The following SYNE3 variants were observed in gnomAD, a reference collection of about 807,000 sequenced individuals.
SYNE3 encodes the protein spectrin repeat containing nuclear envelope family member 3.
A neutral mutation model predicts 111.2 loss-of-function variants in SYNE3; 100 were observed. That is an observed-to-expected ratio of 0.90 (90% CI 0.77 to 1.06). The LOEUF (loss-of-function observed/expected upper bound fraction) is 1.06, where lower values mean the gene tolerates loss of function less well. SYNE3 is among the 50% of genes least tolerant of loss of function. The pLI, the probability that SYNE3 is intolerant of heterozygous loss-of-function variation, is 0.00. For missense variants in SYNE3, 1,160 were observed against 1,240.3 expected, an observed-to-expected ratio of 0.94 and a Z score of 0.97; for synonymous variants, 547 against 533.9, an observed-to-expected ratio of 1.02 and a Z score of -0.34.
intron 17 of SYNE3, among the ~76,000 whole-genome samples, chr14:95,429,711 T>C (rs1885638167): frequency 6.6e-6 from 1 of 152,190 alleles, no homozygotes; most frequent in African/African-American, 2.4e-5. Context: ...CATTTAGGGC[T>C]TTCCGTCTTT....
intron 1 of SYNE3, among the ~76,000 whole-genome samples, chr14:95,498,422 T>C (rs1890189727): frequency 6.6e-6 from 1 of 152,218 alleles, no homozygotes; most frequent in Non-Finnish European, 1.5e-5. Flanking sequence ...TTTCACCATG[T>C]TGGCCAGGCT....
At position 95,475,712 on chromosome 14, in the gene SYNE3, CG is replaced by C; in HGVS notation, c.109del (p.Arg37AlafsTer23). ...LQVNDNTQGP[R>X]AALEARLWET... ...CCACAGCCTGGCCTCCAGGGCCGCGCGGGGTCCCTGCGTGTTGTCATTGACC... is the reference window on the plus strand; with the variant it reads ...CCACAGCCTGGCCTCCAGGGCCGCGCGGGTCCCTGCGTGTTGTCATTGACC... On this transcript the variant is annotated frameshift_variant, in exon 2 of 18. Coordinates refer to ENST00000682763, the MANE Select transcript of SYNE3 (RefSeq NM_152592.6). LOFTEE classifies it high-confidence loss of function. 1 of 1,599,128 alleles carries C rather than the reference CG, an allele frequency of 6.3e-7. No individual in the cohort carries two copies.
intron 8 of SYNE3, 47 bp downstream of exon 8, chr14:95,449,884 G>A (rs895738142): frequency 2.0e-6 from 3 of 1,534,752 alleles, no homozygotes; most frequent in Non-Finnish European, 2.6e-6. Context: ...ACCATGCCCC[G>A]CCAGTGGCCC....
intron 4 of SYNE3, among the ~76,000 whole-genome samples, chr14:95,457,825 G>T (rs1324600404): frequency 6.6e-6 from 1 of 152,156 alleles, no homozygotes; most frequent in African/African-American, 2.4e-5. Flanking sequence ...ATACAGAGAG[G>T]TAAAGTGACT....
chr14:95,455,309 G>A, intron 6 of SYNE3, 68 bp downstream of exon 6: 3 of 1,291,854 alleles, frequency 2.3e-6, no homozygotes, highest in Admixed American at 2.8e-5. Context: ...TCACAGAGGA[G>A]GTCTGAGTGC....
intron 7 of SYNE3, 123 bp downstream of exon 7, chr14:95,452,124 G>A (rs1887122661): frequency 8.4e-7 from 1 of 1,185,280 alleles, no homozygotes; most frequent in South Asian, 1.9e-5. Context: ...CAGTCATTGA[G>A]AGGTACAAAG....
rs1886293149 is a variant in SYNE3 at position 95,439,632 on chromosome 14, C to G, written c.2226G>C (p.Leu742=). The change falls in exon 13 of 18, where the codon CTG becomes CTC. Residue 742 remains leucine (L), a synonymous_variant. Coordinates refer to ENST00000682763, the MANE Select transcript of SYNE3 (RefSeq NM_152592.6). Reference sequence around the variant, plus strand: ...CTCACCTCAGCAGACTTTCTTCCAGCAGCCTCAAGGCCCGCCACGACTCTG... The same window carrying G: ...CTCACCTCAGCAGACTTTCTTCCAGGAGCCTCAAGGCCCGCCACGACTCTG... The part of the protein sequence containing the change: ...ELAESWRALR[L]LEESLLSLIR... The G allele has an allele frequency of 6.2e-7, 1 of 1,611,560 alleles. No individual in the cohort carries two copies. The highest frequency in any genetic ancestry group is 2.2e-5 in the East Asian group (1 of 44,884).
At chr14:95,442,436 G>A (rs1206151184) in intron 11 of SYNE3, among the ~76,000 whole-genome samples, 1 of 152,202 alleles carries the variant, frequency 6.6e-6, no homozygotes, top group Non-Finnish European at 1.5e-5. Flanking sequence ...AATAGGGCGT[G>A]CAATGTCAGG....
chr14:95,505,428 G>A (rs1285113914), intron 1 of SYNE3, among the ~76,000 whole-genome samples: 1 of 152,190 alleles, frequency 6.6e-6, no homozygotes, highest in Non-Finnish European at 1.5e-5. Context: ...GGTGGCTAGT[G>A]CCAACAGTCC....
chr14:95,420,431 G>C (rs1885052196), intron 17 of SYNE3, among the ~76,000 whole-genome samples: 1 of 152,198 alleles, frequency 6.6e-6, no homozygotes, highest in Non-Finnish European at 1.5e-5. Flanking sequence ...CTGCTTACAA[G>C]TGTCCTTTTT....
At position 95,425,989 on chromosome 14, in the gene SYNE3, G is replaced by A. The variant is rs879771271; in HGVS notation, c.2727+6090C>T. Among the ~76,000 whole-genome samples the A allele has an allele frequency of 2.0e-5, 3 of 152,326 alleles. No homozygotes were observed. In the East Asian group the frequency reaches 5.8e-4, roughly 29 times the overall value. On this transcript the variant is annotated intron_variant, in intron 17 of 17. Coordinates refer to ENST00000682763, the MANE Select transcript of SYNE3 (RefSeq NM_152592.6). ...CCCAGGGCCAAATGTGATAAGAACA[G>A]CAGTTCACTGGTCTTAGTGAAGAAG...
intron 4 of SYNE3, among the ~76,000 whole-genome samples, chr14:95,457,875 T>G (rs1887564521): frequency 6.6e-6 from 1 of 152,056 alleles, no homozygotes; most frequent in Non-Finnish European, 1.5e-5. Context: ...CAAGATTCAA[T>G]CCGAGCTGGG....
At position 95,443,220 on chromosome 14, in the gene SYNE3, G is replaced by A; in HGVS notation, c.1846C>T (p.Pro616Ser). ...TGGTCCATTTTGTGCTGGTGGTTGG[G>A]GTTCTCCTGGACCAGAGGCCTTGCA... ...EAARPLVQEN[P>S]NHQHKMDQLS... The change falls in exon 11 of 18, where the codon CCC becomes TCC. Residue 616 changes from proline to serine, a missense_variant. By Grantham distance (74) the Pro-to-Ser change is moderately conservative (BLOSUM62 -1). Coordinates refer to ENST00000682763, the MANE Select transcript of SYNE3 (RefSeq NM_152592.6). 6.2e-7 allele frequency: 1 copy of A among 1,614,216 alleles called. No homozygotes were observed. The highest frequency in any genetic ancestry group is 8.5e-7 in the Non-Finnish European group (1 of 1,180,042).
At chr14:95,422,047 CTT>C (rs1056318299) in intron 17 of SYNE3, among the ~76,000 whole-genome samples, 15 of 152,326 alleles carry the variant, frequency 9.8e-5, no homozygotes, top group African/African-American at 2.9e-4. Flanking sequence ...CCACATTAGT[CTT>C]ATGCTTTACC....
intron 1 of SYNE3, among the ~76,000 whole-genome samples, chr14:95,478,560 G>A (rs771055369): frequency 2.0e-5 from 3 of 152,160 alleles, no homozygotes; most frequent in Non-Finnish European, 4.4e-5. Flanking sequence ...CTGTAAGGCA[G>A]GACGAGGTAA....
intron 4 of SYNE3, among the ~76,000 whole-genome samples, chr14:95,460,599 G>A (rs1315075424): frequency 1.4e-5 from 2 of 144,352 alleles, no homozygotes; most frequent in African/African-American, 2.7e-5. Flanking sequence ...ACAAAACATG[G>A]GCCCTGCTTG....
At chr14:95,461,629 T>C (rs1255616302) in intron 4 of SYNE3, among the ~76,000 whole-genome samples, 2 of 152,218 alleles carry the variant, frequency 1.3e-5, no homozygotes, top group Non-Finnish European at 2.9e-5. Context: ...AGCAGTGGCC[T>C]GTTCTAGCAT....
Position 95,445,999 on chromosome 14 carries a change from T to A in SYNE3, c.1542A>T (p.Arg514Ser). 6.2e-7 allele frequency: 1 copy of A among 1,614,132 alleles called. No homozygotes were observed. The highest frequency in any genetic ancestry group is 8.5e-7 in the Non-Finnish European group (1 of 1,180,028). Residue 514 changes from arginine (R) to serine (S), a missense_variant, in exon 9 of 18, where the codon AGA (arginine) becomes AGT (serine). Physicochemically the swap from Arg to Ser is moderately radical, Grantham distance 110. Transcript: ENST00000682763. ...CCACCTGCTCCAGGAGTGCCGTGGC[T>A]CTCTCCTGGCCAAAGATGCCAATCA... ...DLLIGIFGQE[R>S]ATALLEQVAG...
At chr14:95,427,786 A>T (rs34146427) in intron 17 of SYNE3, among the ~76,000 whole-genome samples, 2 of 141,676 alleles carry the variant, frequency 1.4e-5, no homozygotes, top group Non-Finnish European at 3.0e-5. Context: ...AGTGGTCCCC[A>T]GGGCCCCAGC....
Sources: allele counts gnomAD v4.1 joint callset (sites outside exome capture counted in the v4.1 genomes callset), GRCh38; gene constraint gnomAD v4.1.1; transcripts MANE v1.5; gene names NCBI Gene and HGNC (gene_info 2026-07-23, HGNC 2026-07-21).